JAM3: variants seen among roughly 807,000 people sequenced by gnomAD.
The protein encoded by JAM3 is junctional adhesion molecule 3, also known as junctional adhesion molecule C.
A neutral mutation model predicts 39.4 loss-of-function variants in JAM3; 31 were observed. That is an observed-to-expected ratio of 0.79 (90% confidence interval 0.59 to 1.06). The LOEUF is 1.06. JAM3 is among the 50% of genes least tolerant of loss of function. The pLI, the probability that JAM3 is intolerant of heterozygous loss-of-function variation, is 0.00. For missense variants in JAM3, 455 were observed against 391.4 expected (o/e 1.16, Z -1.37); for synonymous variants, 182 against 148.7 (o/e 1.22, Z -1.63).
chr11:134,102,539 G>A (rs1346004973), intron 1 of JAM3, among the ~76,000 whole-genome samples: 1 of 152,204 alleles, frequency 6.6e-6, no homozygotes, highest in Non-Finnish European at 1.5e-5. Flanking sequence ...GTTGAGAGAA[G>A]AAGGCTTCAG....
At chr11:134,069,404 A>G (rs1941450262) in intron 1 of JAM3, among the ~76,000 whole-genome samples, 1 of 151,784 alleles carries the variant, frequency 6.6e-6, no homozygotes, top group African/African-American at 2.4e-5. Context: ...CTAATTTGGG[A>G]TGGGGGGCCC....
At chr11:134,101,453 A>G (rs1324241147) in intron 1 of JAM3, among the ~76,000 whole-genome samples, 2 of 152,180 alleles carry the variant, frequency 1.3e-5, no homozygotes, top group Non-Finnish European at 2.9e-5. Flanking sequence ...TGTTCTTTCC[A>G]TCCTAGTGGA....
At chr11:134,101,080 A>G (rs1172606305) in intron 1 of JAM3, among the ~76,000 whole-genome samples, 1 of 152,194 alleles carries the variant, frequency 6.6e-6, no homozygotes, top group Non-Finnish European at 1.5e-5. Context: ...CCCATTCTAA[A>G]CAGCCAGCAT....
chr11:134,119,636 C>G (rs1392558141), intron 1 of JAM3, among the ~76,000 whole-genome samples: 2 of 152,192 alleles, frequency 1.3e-5, no homozygotes, highest in Non-Finnish European at 2.9e-5. Flanking sequence ...GCAGGGCAGT[C>G]TGCTGGAGGA....
chr11:134,110,581 C>A (rs549049057), intron 1 of JAM3, among the ~76,000 whole-genome samples: 1 of 152,204 alleles, frequency 6.6e-6, no homozygotes, highest in East Asian at 1.9e-4. Flanking sequence ...ATTTAAAATT[C>A]TAGGAAATCC....
rs767979226 is a variant in JAM3 at position 134,144,235 on chromosome 11, C to T, written c.257-6C>T. On this transcript the variant is annotated splice_polypyrimidine_tract_variant and splice_region_variant and intron_variant, in intron 3 of 8. Transcript: ENST00000299106. The stretch of plus-strand genomic sequence containing the variant: ...AGTTTTTTAGTGCCTCGTGTCTTTT[C>T]TGTAGGAGACTTGGCGGGTCGTGCA... The T allele has an allele frequency of 1.4e-5, 23 of 1,614,158 alleles. No homozygotes were observed. The South Asian group carries it at 2.4e-4, about 17-fold the overall frequency.
At chr11:134,147,144 G>A (rs143017195) in intron 6 of JAM3, among the ~76,000 whole-genome samples, 307 of 152,120 alleles carry the variant, frequency 2.0e-3, no homozygotes, top group Non-Finnish European at 3.4e-3. Flanking sequence ...ATGAAACTTG[G>A]GAATTGACAT....
intron 1 of JAM3, among the ~76,000 whole-genome samples, chr11:134,091,259 GC>G (rs1460318316): frequency 6.6e-6 from 1 of 152,122 alleles, no homozygotes; most frequent in Non-Finnish European, 1.5e-5. Context: ...ACTTTGGGAG[GC>G]CGAGGTGGGT....
At chr11:134,121,577 C>A (rs1279251454) in intron 1 of JAM3, among the ~76,000 whole-genome samples, 1 of 152,060 alleles carries the variant, frequency 6.6e-6, no homozygotes, top group Non-Finnish European at 1.5e-5. Flanking sequence ...ATTCTGACAT[C>A]TCTCTATGTC....
chr11:134,148,754 CT>C lies in JAM3; in HGVS notation c.843-9del. On this transcript the variant is annotated splice_polypyrimidine_tract_variant and intron_variant, in intron 7 of 8. Transcript: ENST00000299106. ...AACCCTGTTGCTAAACTGCTCTCTTCTCCTCATAGTTACAAGAACCCAGGGA... is the reference window on the plus strand; with the variant it reads ...AACCCTGTTGCTAAACTGCTCTCTTCCCTCATAGTTACAAGAACCCAGGGA... The C allele has an allele frequency of 6.2e-7, 1 of 1,613,666 alleles. No individual in the cohort carries two copies. The highest frequency in any genetic ancestry group is 8.5e-7 in the Non-Finnish European group (1 of 1,179,692).
intron 1 of JAM3, among the ~76,000 whole-genome samples, chr11:134,094,239 C>T (rs1236341591): frequency 3.8e-5 from 5 of 130,418 alleles, no homozygotes; most frequent in African/African-American, 1.2e-4. Flanking sequence ...TTCTCCTGAA[C>T]CCTCCTTATT....
At chr11:134,081,658 G>T (rs1203080898) in intron 1 of JAM3, among the ~76,000 whole-genome samples, 1 of 152,234 alleles carries the variant, frequency 6.6e-6, no homozygotes, top group African/African-American at 2.4e-5. Flanking sequence ...TGCTGCAGGG[G>T]TGGGGCTCTC....
Position 134,151,257 on chromosome 11 carries a change from G to A in JAM3, c.*2076G>A, listed in dbSNP as rs545074337. 2.6e-5 allele frequency: 4 copies of A among 152,186 alleles called. No homozygotes were observed. The highest frequency in any genetic ancestry group is 5.9e-5 in the Non-Finnish European group (4 of 68,062). 9.4% of individuals were successfully genotyped at this position (152,186 alleles called of 1,614,324 possible). A position where few individuals can be genotyped will look rare whatever the true frequency, so the allele number is the denominator to read the frequency against. On this transcript the variant is annotated 3_prime_UTR_variant, in exon 9 of 9. Coordinates refer to ENST00000299106, the MANE Select transcript of JAM3 (RefSeq NM_032801.5). ...AGTTATGTGAAACACTTTGCCGCAGGCCGCCTGGCAGAGGCAGGAAATGCT... is the reference window on the plus strand; with the variant it reads ...AGTTATGTGAAACACTTTGCCGCAGACCGCCTGGCAGAGGCAGGAAATGCT...
At chr11:134,118,393 G>T (rs796117163) in intron 1 of JAM3, among the ~76,000 whole-genome samples, 4 of 152,270 alleles carry the variant, frequency 2.6e-5, no homozygotes, top group African/African-American at 9.6e-5. Flanking sequence ...TTTCAGTGTA[G>T]AACTGAGCCC....
intron 1 of JAM3, among the ~76,000 whole-genome samples, chr11:134,125,232 C>T (rs1024853918): frequency 2.4e-4 from 37 of 152,356 alleles, no homozygotes; most frequent in South Asian, 1.9e-3. Flanking sequence ...TCTTCTCTCT[C>T]TCAACTTAGT....
At chr11:134,147,816 T>G (rs960528017) in intron 6 of JAM3, 2 of 152,506 alleles carry the variant, frequency 1.3e-5, no homozygotes, top group African/African-American at 4.8e-5. Context: ...TACATTCATC[T>G]TTGAGAACCA....
rs556332330 is a variant in JAM3, at chr11:134,114,759, C to T, written c.77-25092C>T. On this transcript the variant is annotated intron_variant, in intron 1 of 8. Coordinates refer to ENST00000299106, the MANE Select transcript of JAM3 (RefSeq NM_032801.5). ...AAACGTATTGTGATTTGTTTTATGG[C>T]TCGGAATATGGTCTACCTTGGTAAA... Among the ~76,000 whole-genome samples, 16 of 152,224 alleles carry T rather than the reference C, an allele frequency of 1.1e-4. No homozygotes were observed. In the East Asian group the frequency reaches 2.7e-3, roughly 26 times the overall value.
chr11:134,126,988 G>T (rs1942660711), intron 1 of JAM3, among the ~76,000 whole-genome samples: 1 of 152,304 alleles, frequency 6.6e-6, no homozygotes, highest in East Asian at 1.9e-4. Context: ...GAAATAAGTG[G>T]CTAGATTATA....
chr11:134,117,287 GA>G (rs1296918308), intron 1 of JAM3, among the ~76,000 whole-genome samples: 1 of 152,230 alleles, frequency 6.6e-6, no homozygotes, highest in African/African-American at 2.4e-5. Context: ...TGAGGCAGAA[GA>G]ATTGCTTGAA....
Sources: allele counts gnomAD v4.1 joint callset (sites outside exome capture counted in the v4.1 genomes callset), GRCh38; gene constraint gnomAD v4.1.1; transcripts MANE v1.5; gene names NCBI Gene and HGNC (gene_info 2026-07-23, HGNC 2026-07-21).